POU6F2: variants seen among roughly 807,000 people sequenced by gnomAD.
POU6F2 encodes the protein POU class 6 homeobox 2.
POU6F2 carries 31 observed loss-of-function variants against 71.3 expected under a neutral mutation model. That is an observed-to-expected ratio of 0.43 (90% CI 0.33 to 0.59). POU6F2 has a LOEUF of 0.59. Among genes scored for constraint, POU6F2 ranks in the 20% least tolerant of loss-of-function variants. POU6F2 has a pLI of 0.04. For missense variants in POU6F2, 783 were observed against 856.8 expected, an observed-to-expected ratio of 0.91 and a Z score of 1.07; for synonymous variants, 347 against 355.7, an observed-to-expected ratio of 0.98 and a Z score of 0.27.
chr7:39,129,764 A>G (rs1166433771), intron 2 of POU6F2, among the ~76,000 whole-genome samples: 2 of 152,066 alleles, frequency 1.3e-5, no homozygotes, highest in Non-Finnish European at 2.9e-5. Context: ...TATTATAATT[A>G]TTTAAAAAAT....
In POU6F2 at chr7:39,464,121, G is replaced by A. The variant is rs1194230799; in HGVS notation, c.1659-61G>A. 1.9e-6 allele frequency: 3 copies of A among 1,549,582 alleles called. No homozygotes were observed. The highest frequency in any genetic ancestry group is 2.6e-6 in the Non-Finnish European group (3 of 1,143,862). On this transcript the variant is annotated intron_variant, in intron 9 of 9. Coordinates refer to ENST00000518318, the MANE Select transcript of POU6F2 (RefSeq NM_001370959.1). This position sits in a 1 kb window ranked among gnomAD's most constrained non-coding sequence, Gnocchi z 4.1. ...TGCCAGGCAGTCAGGCAGGCAGGCA[G>A]GAGGCCCACCCTGGCAGAGGACTCA...
In POU6F2 at chr7:39,460,692, G is replaced by A. The variant is rs767723188; in HGVS notation, c.1635G>A (p.Ala545=). The change falls in exon 9 of 10, where the codon GCG becomes GCA. Residue 545 remains alanine, a synonymous_variant. Transcript: ENST00000518318. This position sits in a 1 kb window ranked among gnomAD's most constrained non-coding sequence, Gnocchi z 4.4. ...GQALSATEGP[A]YSQSAICRHT... ...CTCTCAGTGCTACAGAGGGCCCCGC[G>A]TACAGCCAGTCGGCCATCTGCAGGT... 11 of 1,604,706 alleles carry A rather than the reference G, an allele frequency of 6.9e-6. No individual in the cohort carries two copies. Among genetic ancestry groups the A allele is most frequent in the East Asian group, 6.7e-5 (3 of 44,464 alleles).
At chr7:39,210,411 GA>G (rs950748055) in intron 4 of POU6F2, among the ~76,000 whole-genome samples, 12 of 148,576 alleles carry the variant, frequency 8.1e-5, no homozygotes, top group East Asian at 5.9e-4. Context: ...AGGATGAAAG[GA>G]AAAAAAAAAG....
At chr7:39,312,294 T>C (rs921669551) in intron 4 of POU6F2, among the ~76,000 whole-genome samples, 9 of 152,238 alleles carry the variant, frequency 5.9e-5, no homozygotes, top group African/African-American at 2.2e-4. Flanking sequence ...GTTTTGGTAC[T>C]GTTAACTGAA....
chr7:39,436,762 T>A (rs886480787), intron 7 of POU6F2, among the ~76,000 whole-genome samples: 1 of 152,182 alleles, frequency 6.6e-6, no homozygotes. Context: ...TGTGGGTTTG[T>A]CATAAATAGC....
At chr7:39,090,015 G>A (rs945667630) in intron 2 of POU6F2, among the ~76,000 whole-genome samples, 4 of 151,958 alleles carry the variant, frequency 2.6e-5, no homozygotes, top group Non-Finnish European at 5.9e-5. Context: ...CTTGAGCTGA[G>A]ATGGAACTGC....
At chr7:39,075,588 G>A (rs867611435) in intron 1 of POU6F2, among the ~76,000 whole-genome samples, 11 of 152,180 alleles carry the variant, frequency 7.2e-5, no homozygotes, top group Non-Finnish European at 1.2e-4. Flanking sequence ...ATCCTACCAA[G>A]AGAACACTTG....
chr7:38,996,423 C>T (rs1788740678), intron 1 of POU6F2, among the ~76,000 whole-genome samples: 1 of 147,196 alleles, frequency 6.8e-6, no homozygotes, highest in African/African-American at 2.4e-5. Flanking sequence ...ATTGCATCCT[C>T]CTTCTCTCCA....
intron 5 of POU6F2, among the ~76,000 whole-genome samples, chr7:39,380,674 A>G (rs1033957885): frequency 3.3e-5 from 5 of 152,228 alleles, no homozygotes; most frequent in Non-Finnish European, 5.9e-5. Flanking sequence ...ATTAGCACAT[A>G]TCCATTTCTA....
intron 2 of POU6F2, among the ~76,000 whole-genome samples, chr7:39,118,950 C>A (rs1209489590): frequency 3.9e-5 from 6 of 152,186 alleles, no homozygotes; most frequent in African/African-American, 1.2e-4. Context: ...AATGATCAAG[C>A]CATGTGTCCA....
intron 2 of POU6F2, among the ~76,000 whole-genome samples, chr7:39,163,659 C>T (rs1793045328): frequency 6.6e-6 from 1 of 152,208 alleles, no homozygotes; most frequent in Non-Finnish European, 1.5e-5. Context: ...AATTTCACTA[C>T]TGGATATATT....
At chr7:39,156,430 A>C (rs191123986) in intron 2 of POU6F2, among the ~76,000 whole-genome samples, 5 of 152,292 alleles carry the variant, frequency 3.3e-5, no homozygotes, top group Admixed American at 2.6e-4. Context: ...AGTTTATGTC[A>C]GTACTGTGCT....
chr7:39,026,146 T>C (rs1789795289), intron 1 of POU6F2, among the ~76,000 whole-genome samples: 1 of 151,858 alleles, frequency 6.6e-6, no homozygotes, highest in Admixed American at 6.6e-5. Flanking sequence ...TTTTACACTG[T>C]TGGTGGGACT....
chr7:39,045,004 A>G (rs1790262596), intron 1 of POU6F2, among the ~76,000 whole-genome samples: 1 of 151,872 alleles, frequency 6.6e-6, no homozygotes, highest in Admixed American at 6.6e-5. Flanking sequence ...TCAATTTTGC[A>G]ATGCTTCTTG....
chr7:39,290,290 T>G (rs929685411), intron 4 of POU6F2, among the ~76,000 whole-genome samples: 3 of 152,112 alleles, frequency 2.0e-5, no homozygotes, highest in Non-Finnish European at 4.4e-5. Context: ...CCGGAAACAT[T>G]CTTGTTGCCA....
chr7:38,988,349 A>G (rs1788511907), intron 1 of POU6F2, among the ~76,000 whole-genome samples: 1 of 152,030 alleles, frequency 6.6e-6, no homozygotes, highest in Non-Finnish European at 1.5e-5. Context: ...ATTTTTAAAA[A>G]GCTTTACAGG....
chr7:39,199,318 G>A (rs926796158), intron 2 of POU6F2, among the ~76,000 whole-genome samples: 4 of 152,094 alleles, frequency 2.6e-5, no homozygotes, highest in African/African-American at 9.7e-5. Context: ...ATATACTCTC[G>A]GGATTAAAAA....
intron 2 of POU6F2, among the ~76,000 whole-genome samples, chr7:39,202,952 C>T (rs1435367539): frequency 6.6e-6 from 1 of 152,206 alleles, no homozygotes; most frequent in Non-Finnish European, 1.5e-5. Context: ...AAAAATATTA[C>T]AAATTAATCA....
chr7:39,170,062 G>A (rs1793189499), intron 2 of POU6F2, among the ~76,000 whole-genome samples: 1 of 152,066 alleles, frequency 6.6e-6, no homozygotes, highest in Admixed American at 6.5e-5. Flanking sequence ...CAGCTACTCA[G>A]GAAGCTGAGA....
Sources: allele counts gnomAD v4.1 joint callset (sites outside exome capture counted in the v4.1 genomes callset), GRCh38; gene constraint gnomAD v4.1.1; non-coding constraint Gnocchi (gnomAD v3.1); transcripts MANE v1.5; gene names NCBI Gene and HGNC (gene_info 2026-07-23, HGNC 2026-07-21).